ERCC4: variants seen among roughly 807,000 people sequenced by gnomAD.
ERCC4 encodes the protein DNA repair endonuclease XPF.
Under a neutral mutation model 76.9 loss-of-function variants are expected in ERCC4, and 65 were observed. That is an observed-to-expected ratio of 0.84 (90% CI 0.69 to 1.04). ERCC4 has a LOEUF of 1.04. Among genes scored for constraint, ERCC4 ranks in the 50% least tolerant of loss-of-function variants. ERCC4 has a pLI of 0.00. For synonymous variants in ERCC4, 463 were observed against 410.1 expected (o/e 1.13, Z -1.56); for missense variants, 1,214 against 1,128.2 (o/e 1.08, Z -1.09).
rs564247394 is a variant in ERCC4 at position 13,930,829 on chromosome 16, C to T, written c.912C>T (p.Val304=). The T allele has an allele frequency of 6.2e-7, 1 of 1,613,268 alleles. No individual in the cohort carries two copies. Among genetic ancestry groups the T allele is most frequent in the Admixed American group, 1.7e-5 (1 of 60,006 alleles). ...AGTATCTCTCTCAGTATGATTGTGTCACATTTCTTAATCTTCTGGAATCTC... is the reference window on the plus strand; with the variant it reads ...AGTATCTCTCTCAGTATGATTGTGTTACATTTCTTAATCTTCTGGAATCTC... ...LLQYLSQYDC[V]TFLNLLESLR... The change falls in exon 5 of 11, where the codon GTC becomes GTT. Residue 304 remains valine (V), a synonymous_variant. Coordinates refer to ENST00000311895, the MANE Select transcript of ERCC4 (RefSeq NM_005236.3).
At chr16:13,935,932 A>G (rs755031558) in intron 8 of ERCC4, among the ~76,000 whole-genome samples, 189 bp downstream of exon 8, 1 of 152,172 alleles carries the variant, frequency 6.6e-6, no homozygotes, top group African/African-American at 2.4e-5. Context: ...CAGCAGAACA[A>G]CAAACCAAGG....
intron 10 of ERCC4, among the ~76,000 whole-genome samples, chr16:13,945,783 A>G (rs750551693): frequency 2.8e-4 from 43 of 152,206 alleles, no homozygotes; most frequent in Non-Finnish European, 5.0e-4. Flanking sequence ...TTGACATTTC[A>G]TGAAGAACGA....
In ERCC4 at chr16:13,935,583, CT is replaced by C; in HGVS notation, c.1652del (p.Leu551ProfsTer16). The C allele has an allele frequency of 6.2e-7, 1 of 1,614,170 alleles. No individual in the cohort carries two copies. The highest frequency in any genetic ancestry group is 1.1e-5 in the South Asian group (1 of 91,082). On this transcript the variant is annotated frameshift_variant, in exon 8 of 11. Coordinates refer to ENST00000311895, the MANE Select transcript of ERCC4 (RefSeq NM_005236.3). LOFTEE classifies it high-confidence loss of function. Reference sequence around the variant, plus strand: ...TGCTTTCGGAATCCTGAAAGAACCCCTCACTATCATCCATCCGCTTCTGGGT... The same window carrying C: ...TGCTTTCGGAATCCTGAAAGAACCCCCACTATCATCCATCCGCTTCTGGGT... The part of the protein sequence containing the change: ...DAAFGILKEP[L>X]TIIHPLLGCS...
intron 4 of ERCC4, 32 bp downstream of exon 4, chr16:13,928,267 A>G: frequency 7.1e-7 from 1 of 1,415,236 alleles, no homozygotes; most frequent in Non-Finnish European, 1.0e-6. Flanking sequence ...ACAGTTTATT[A>G]TGTTGTAATT....
At position 13,922,140 on chromosome 16, in the gene ERCC4, T is replaced by G. The variant is rs766951888; in HGVS notation, c.317T>G (p.Val106Gly). The G allele has an allele frequency of 1.2e-5, 20 of 1,613,292 alleles. No individual in the cohort carries two copies. The African/African-American group carries it at 1.7e-4, about 14-fold the overall frequency. The change falls in exon 2 of 11, where the codon GTT becomes GGT. Residue 106 changes from valine (V) to glycine (G), a missense_variant. Val to Gly is a moderately radical substitution (Grantham distance 109, BLOSUM62 -3). Transcript: ENST00000311895. The part of the protein sequence containing the change: ...SRYEVYTQGG[V>G]IFATSRILVV... ...TATGAAGTTTACACACAAGGTGGTG[T>G]TATATTTGCGACAAGTAGGATACTT...
intron 2 of ERCC4, among the ~76,000 whole-genome samples, chr16:13,925,687 A>G (rs1055276579): frequency 1.3e-5 from 2 of 152,322 alleles, no homozygotes; most frequent in Non-Finnish European, 2.9e-5. Flanking sequence ...ATTATGCCAA[A>G]TATATATAAG....
Position 13,920,503 on chromosome 16 carries a change from C to CA in ERCC4, c.207+132dup, listed in dbSNP as rs3136044. ...AGGCCCCTGACACTACGCGATGACA[C>CA]AGAGAAGGATGGCAGGGGTCCCCAG... On this transcript the variant is annotated intron_variant, in intron 1 of 10. Transcript: ENST00000311895. 505 of 865,898 alleles carry CA rather than the reference C, an allele frequency of 5.8e-4. 3 individuals are homozygous for CA. In the African/African-American group the frequency reaches 6.7e-3, roughly 11 times the overall value. The allele number at this position is 865,898 out of a possible 1,614,324, so 53.6% of individuals were successfully genotyped here.
At chr16:13,937,501 C>G (rs1469714658) in intron 8 of ERCC4, among the ~76,000 whole-genome samples, 2 of 152,110 alleles carry the variant, frequency 1.3e-5, no homozygotes, top group African/African-American at 2.4e-5. Flanking sequence ...TTCTATCCCT[C>G]TAGTTATATT....
At chr16:13,927,060 C>A (rs1001431855) in intron 3 of ERCC4, among the ~76,000 whole-genome samples, 1 of 152,146 alleles carries the variant, frequency 6.6e-6, no homozygotes, top group Non-Finnish European at 1.5e-5. Flanking sequence ...ATCTAGAGAC[C>A]CACATATACA....
chr16:13,923,541 C>T (rs913494387), intron 2 of ERCC4, among the ~76,000 whole-genome samples: 1 of 152,188 alleles, frequency 6.6e-6, no homozygotes, highest in Non-Finnish European at 1.5e-5. Flanking sequence ...AGTTTGGTTA[C>T]TCTTTTATAA....
rs930435901 is a variant in ERCC4 at position 13,951,734 on chromosome 16, C to T, written c.*3387C>T. On this transcript the variant is annotated 3_prime_UTR_variant, in exon 11 of 11. Coordinates refer to ENST00000311895, the MANE Select transcript of ERCC4 (RefSeq NM_005236.3). The stretch of plus-strand genomic sequence containing the variant: ...AGGAAAACCTACACTAAAGCAAATC[C>T]GAAGAAGTGGGGCAGGGGGAAAGAG... 5 of 220,690 alleles carry T rather than the reference C, an allele frequency of 2.3e-5. No homozygotes were observed. Among genetic ancestry groups the T allele is most frequent in the Middle Eastern group, 1.4e-3 (1 of 732 alleles). The allele number at this position is 220,690 out of a possible 1,614,324, so 13.7% of individuals were successfully genotyped here.
intron 2 of ERCC4, among the ~76,000 whole-genome samples, chr16:13,925,062 C>T (rs1286829050): frequency 6.6e-6 from 1 of 152,190 alleles, no homozygotes; most frequent in Non-Finnish European, 1.5e-5. Context: ...CTCCCACTTG[C>T]TTGCTGGATG....
At chr16:13,934,006 G>A (rs1001882624) in intron 6 of ERCC4, 186 bp from the exon 7 acceptor site, 3 of 537,058 alleles carry the variant, frequency 5.6e-6, no homozygotes, top group Admixed American at 6.7e-5. Flanking sequence ...ATGGTTTGAA[G>A]TATCTTTCAT....
chr16:13,922,381 C>A, intron 2 of ERCC4, 170 bp downstream of exon 2: 2 of 760,588 alleles, frequency 2.6e-6, no homozygotes, highest in Non-Finnish European at 4.8e-6. Context: ...AGGTCTAAAT[C>A]TGGGTGGGGG....
At chr16:13,946,107 C>G (rs1225765547) in intron 10 of ERCC4, among the ~76,000 whole-genome samples, 1 of 152,212 alleles carries the variant, frequency 6.6e-6, no homozygotes, top group Non-Finnish European at 1.5e-5. Flanking sequence ...TAGCCCCTTC[C>G]TCCATCTTCA....
chr16:13,941,734 C>T (rs1596632072), intron 9 of ERCC4, among the ~76,000 whole-genome samples: 1 of 152,292 alleles, frequency 6.6e-6, no homozygotes, highest in East Asian at 1.9e-4. Context: ...ATAACATCCT[C>T]AGTATACATA....
chr16:13,938,025 C>G (rs2032339109), intron 9 of ERCC4, among the ~76,000 whole-genome samples, 167 bp downstream of exon 9: 1 of 79,932 alleles, frequency 1.3e-5, no homozygotes, highest in Non-Finnish European at 2.8e-5. Context: ...GATCTCAGCA[C>G]ATACTTCCTT....
Position 13,935,131 on chromosome 16 carries a change from G to T in ERCC4, c.1214-15G>T. 6.3e-7 allele frequency: 1 copy of T among 1,582,386 alleles called. No individual in the cohort carries two copies. The highest frequency in any genetic ancestry group is 8.7e-7 in the Non-Finnish European group (1 of 1,151,020). On this transcript the variant is annotated splice_polypyrimidine_tract_variant and intron_variant, in intron 7 of 10. Coordinates refer to ENST00000311895, the MANE Select transcript of ERCC4 (RefSeq NM_005236.3). ...AGTGAGGTAATAGTAACATAATGTTGTTTTCTATTTTCAGGTCAAGTACTG... is the reference window on the plus strand; with the variant it reads ...AGTGAGGTAATAGTAACATAATGTTTTTTTCTATTTTCAGGTCAAGTACTG...
chr16:13,941,593 T>C (rs1298684818), intron 9 of ERCC4, among the ~76,000 whole-genome samples: 2 of 152,168 alleles, frequency 1.3e-5, no homozygotes, highest in Non-Finnish European at 2.9e-5. Flanking sequence ...AGTGAAAGGA[T>C]TGTTTAGCTG....
Sources: gnomAD v4.1 joint callset for allele counts (sites outside exome capture counted in the v4.1 genomes callset) on GRCh38, gnomAD v4.1.1 for gene constraint, MANE v1.5 for transcripts, NCBI Gene and HGNC (gene_info 2026-07-23, HGNC 2026-07-21) for gene names.